TTLL2: variants seen among roughly 807,000 people sequenced by gnomAD.
The protein encoded by TTLL2 is probable tubulin polyglutamylase TTLL2.
In TTLL2, 10 loss-of-function variants were observed where a neutral mutation model predicts 7.5. The ratio of observed to expected loss-of-function variants is 1.33; its 90% CI spans 0.82 to 2.25. The LOEUF (loss-of-function observed/expected upper bound fraction) is 2.25. TTLL2 is among the 30% of genes most tolerant of loss of function. The pLI, the probability that TTLL2 is intolerant of heterozygous loss-of-function variation, is 0.00. For missense variants in TTLL2, 733 were observed against 735.7 expected, an observed-to-expected ratio of 1.00 and a Z score of 0.04; for synonymous variants, 284 against 280.3, an observed-to-expected ratio of 1.01 and a Z score of -0.13.
At chr6:167,335,364 C>G (rs1198695508) in intron 1 of TTLL2, among the ~76,000 whole-genome samples, 8 of 151,080 alleles carry the variant, frequency 5.3e-5, no homozygotes, top group Non-Finnish European at 1.2e-4. Flanking sequence ...CACTTTTACA[C>G]TGTTGGTGGG....
intron 1 of TTLL2, 92 bp downstream of exon 1, chr6:167,325,312 G>C (rs1778835590): frequency 7.7e-7 from 1 of 1,307,152 alleles, no homozygotes; most frequent in Non-Finnish European, 1.0e-6. Flanking sequence ...ACAGGGGCCA[G>C]GGTCACTAGG....
Position 167,327,987 on chromosome 6 carries a change from T to G in TTLL2, c.47+2767T>G, listed in dbSNP as rs1161643335. The G allele has an allele frequency of 5.5e-5, 25 of 456,124 alleles. 1 individual carries two copies. The highest frequency in any genetic ancestry group is 9.7e-5 in the Non-Finnish European group (22 of 226,966). 28.3% of individuals were successfully genotyped at this position (456,124 alleles called of 1,614,324 possible). On this transcript the variant is annotated intron_variant, in intron 1 of 2. Coordinates refer to ENST00000239587, the MANE Select transcript of TTLL2 (RefSeq NM_031949.5). The stretch of plus-strand genomic sequence containing the variant: ...GGCCCCTCTCCTTGACCCCAAAATA[T>G]TTTCTCCTCATTTCAGTTCGATGAC...
intron 1 of TTLL2, among the ~76,000 whole-genome samples, chr6:167,327,137 G>A (rs529859707): frequency 2.3e-4 from 35 of 152,298 alleles, no homozygotes; most frequent in African/African-American, 7.9e-4. Flanking sequence ...TAAGTGGGGC[G>A]GGTAGAGGAA....
At chr6:167,327,625 TAG>T (rs1158497216) in intron 1 of TTLL2, among the ~76,000 whole-genome samples, 1 of 152,154 alleles carries the variant, frequency 6.6e-6, no homozygotes, top group African/African-American at 2.4e-5. Flanking sequence ...AGATGGCATA[TAG>T]GTTTTTACAT....
In TTLL2 at chr6:167,342,099, A is replaced by T. The variant is rs568250971; in HGVS notation, c.*420A>T. On this transcript the variant is annotated 3_prime_UTR_variant, in exon 3 of 3. Transcript: ENST00000239587. Reference sequence around the variant, plus strand: ...GTGTTTTTTTTTAAATCAACCAGTTATTTGTTAAAATTATTTTGTTAACTT... The same window carrying T: ...GTGTTTTTTTTTAAATCAACCAGTTTTTTGTTAAAATTATTTTGTTAACTT... 6.6e-6 allele frequency among the ~76,000 whole-genome samples: 1 copy of T among 152,338 alleles called. No homozygotes were observed. The highest frequency in any genetic ancestry group is 1.5e-5 in the Non-Finnish European group (1 of 68,022).
In TTLL2 at chr6:167,325,217, T is replaced by C. The variant is rs766849833; in HGVS notation, c.44T>C (p.Leu15Pro). The C allele has an allele frequency of 1.3e-5, 21 of 1,571,638 alleles. No individual in the cohort carries two copies. The highest frequency in any genetic ancestry group is 1.3e-5 in the Non-Finnish European group (15 of 1,159,250). Residue 15 changes from leucine (L) to proline (P), a missense_variant, in exon 1 of 3, where the codon CTG (leucine) becomes CCG (proline). Leu to Pro is a moderately conservative substitution (Grantham distance 98). Transcript: ENST00000239587. ...DLCSSTQSQA[L>P]GSLRTTTPAF... ...TGTTCCTCCACACAAAGCCAGGCGC[T>C]GGGGTAAGCGTAGGAGGCGACACGT...
In TTLL2 at chr6:167,341,028, T is replaced by G; in HGVS notation, c.1128T>G (p.Ile376Met). 5.0e-6 allele frequency: 8 copies of G among 1,614,110 alleles called. No individual in the cohort carries two copies. The highest frequency in any genetic ancestry group is 6.8e-6 in the Non-Finnish European group (8 of 1,180,012). Residue 376 changes from isoleucine (I) to methionine (M), a missense_variant, in exon 3 of 3, where the codon ATT becomes ATG. Transcript: ENST00000239587. Reference sequence around the variant, plus strand: ...AGCTCTTTGGGTTTGATATTTTGATTGATGACAACTTGAAACCATGGCTTT... The same window carrying G: ...AGCTCTTTGGGTTTGATATTTTGATGGATGACAACTTGAAACCATGGCTTT... ...CFELFGFDIL[I>M]DDNLKPWLLE...
chr6:167,339,732 G>T (rs577526674), intron 2 of TTLL2, among the ~76,000 whole-genome samples: 12 of 152,104 alleles, frequency 7.9e-5, no homozygotes, highest in Non-Finnish European at 1.6e-4. Flanking sequence ...GTTGACATTC[G>T]TGTTTTGTTC....
In TTLL2 at chr6:167,325,157, C is replaced by G. The variant is rs1050293596; in HGVS notation, c.-17C>G. ...TGCACAGAGACCCACAGAGGCCACCCTCGGAACCAGCGCCCAATGAGAGGG... is the reference window on the plus strand; with the variant it reads ...TGCACAGAGACCCACAGAGGCCACCGTCGGAACCAGCGCCCAATGAGAGGG... On this transcript the variant is annotated 5_prime_UTR_variant, in exon 1 of 3. Transcript: ENST00000239587. 6.4e-7 allele frequency: 1 copy of G among 1,571,296 alleles called. No homozygotes were observed. The highest frequency in any genetic ancestry group is 8.6e-7 in the Non-Finnish European group (1 of 1,159,390).
Position 167,341,202 on chromosome 6 carries a change from T to C in TTLL2, c.1302T>C (p.Asn434=), listed in dbSNP as rs1227496176. Residue 434 remains asparagine (N), a synonymous_variant, in exon 3 of 3, where the codon AAT becomes AAC. Transcript: ENST00000239587. ...AAGCCAGTAATGCCACACATGGAAA[T>C]TCCAACATCGACGCTGCAAAAAGTG... ...GREASNATHG[N]SNIDAAKSDR... is the part of the protein sequence containing the mutation. The C allele has an allele frequency of 6.2e-7, 1 of 1,613,706 alleles. No homozygotes were observed.
In TTLL2 at chr6:167,341,516, C is replaced by T. The variant is rs746939170; in HGVS notation, c.1616C>T (p.Pro539Leu). Residue 539 changes from proline (P) to leucine (L), a missense_variant, in exon 3 of 3, where the codon CCG becomes CTG. Pro to Leu is a moderately conservative substitution (Grantham distance 98). Coordinates refer to ENST00000239587, the MANE Select transcript of TTLL2 (RefSeq NM_031949.5). ...CACTCCTGCAAGACCAAGACCTCCC[C>T]GTGTGTCCTGTCAGACCGTGGCAAA... ...QSHSCKTKTS[P>L]CVLSDRGKAP... 25 of 1,614,068 alleles carry T rather than the reference C, an allele frequency of 1.5e-5. No homozygotes were observed. The highest frequency in any genetic ancestry group is 4.5e-5 in the East Asian group (2 of 44,888).
intron 2 of TTLL2, among the ~76,000 whole-genome samples, chr6:167,339,785 T>C (rs1316428001): frequency 3.3e-5 from 5 of 152,216 alleles, no homozygotes. Context: ...GGGCCGCAGA[T>C]ATGGGTCTGC....
At position 167,328,233 on chromosome 6, in the gene TTLL2, C is replaced by T. The variant is rs558192443; in HGVS notation, c.47+3013C>T. ...TAAGGAGGCTGCCGTCCCTGGGAGC[C>T]GCTCTCTCCTACTGCATCCTGTTGT... is the stretch of plus-strand genomic sequence containing the variant. On this transcript the variant is annotated intron_variant, in intron 1 of 2. Transcript: ENST00000239587. 1.3e-3 allele frequency: 540 copies of T among 426,800 alleles called. 9 individuals carry two copies. The highest frequency in any genetic ancestry group is 8.5e-3 in the South Asian group (501 of 58,624). The allele number at this position is 426,800 out of a possible 1,614,324, so 26.4% of individuals were successfully genotyped here.
Position 167,340,728 on chromosome 6 carries a change from G to A in TTLL2, c.828G>A (p.Gly276=), listed in dbSNP as rs761113891. Residue 276 remains glycine (G), a synonymous_variant, in exon 3 of 3, where the codon GGG becomes GGA. Transcript: ENST00000239587. ...KPLTIYVYQE[G]LVRFATEKFD... ...TGACCATTTATGTTTATCAGGAAGG[G>A]TTGGTTCGGTTTGCCACGGAAAAGT... is the stretch of plus-strand genomic sequence containing the variant. 1.1e-5 allele frequency: 18 copies of A among 1,614,090 alleles called. No individual in the cohort carries two copies. The Admixed American group carries it at 1.2e-4, about 10-fold the overall frequency.
In TTLL2 at chr6:167,340,386, C is replaced by A. The variant is rs371348357; in HGVS notation, c.486C>A (p.His162Gln). ...KLTRKDCLAK[H>Q]LKHMRRMYGT... Reference sequence around the variant, plus strand: ...CCAGGAAAGACTGTTTGGCCAAACACCTGAAGCACATGAGGAGGATGTATG... The same window carrying A: ...CCAGGAAAGACTGTTTGGCCAAACAACTGAAGCACATGAGGAGGATGTATG... The change falls in exon 3 of 3, where the codon CAC becomes CAA. Residue 162 changes from histidine (H) to glutamine (Q), a missense_variant. Physicochemically the swap from His to Gln is conservative, Grantham distance 24. Coordinates refer to ENST00000239587, the MANE Select transcript of TTLL2 (RefSeq NM_031949.5). The A allele has an allele frequency of 1.4e-5, 22 of 1,614,060 alleles. No individual in the cohort carries two copies. The South Asian group carries it at 2.0e-4, about 14-fold the overall frequency.
chr6:167,328,207 C>T (rs1428771631), intron 1 of TTLL2: 3 of 445,454 alleles, frequency 6.7e-6, no homozygotes, highest in Non-Finnish European at 1.4e-5. Flanking sequence ...GAGCTGTCGG[C>T]TAAGGAGGCT....
intron 1 of TTLL2, among the ~76,000 whole-genome samples, chr6:167,326,004 C>A (rs541264577): frequency 6.6e-6 from 1 of 152,162 alleles, no homozygotes. Flanking sequence ...GCCTCCACAC[C>A]GCAGGCAGAG....
At position 167,341,673 on chromosome 6, in the gene TTLL2, T is replaced by G. The variant is rs375954400; in HGVS notation, c.1773T>G (p.His591Gln). The part of the protein sequence containing the change: ...QELQKLMNKQ[H>Q]S ...TCCAGAAACTAATGAATAAGCAACATTCCTAAGTGGTAAAAAATCAAATCA... is the reference window on the plus strand; with the variant it reads ...TCCAGAAACTAATGAATAAGCAACAGTCCTAAGTGGTAAAAAATCAAATCA... Residue 591 changes from histidine (H) to glutamine (Q), a missense_variant, in exon 3 of 3, where the codon CAT (histidine) becomes CAG (glutamine). Coordinates refer to ENST00000239587, the MANE Select transcript of TTLL2 (RefSeq NM_031949.5). 2 of 1,590,550 alleles carry G rather than the reference T, an allele frequency of 1.3e-6. No individual in the cohort carries two copies. The highest frequency in any genetic ancestry group is 1.8e-5 in the Admixed American group (1 of 54,088).
rs1322042625 is a variant in TTLL2, at chr6:167,341,559, A to C, written c.1659A>C (p.Ala553=). The stretch of plus-strand genomic sequence containing the variant: ...GTGGCAAAGCTCCAGATCCCCAAGC[A>C]GGCAACTTTGTTCTTGTTTTTCCTT... ...SDRGKAPDPQ[A]GNFVLVFPFN... is the part of the protein sequence containing the mutation. Residue 553 remains alanine, a synonymous_variant, in exon 3 of 3, where the codon GCA becomes GCC. Coordinates refer to ENST00000239587, the MANE Select transcript of TTLL2 (RefSeq NM_031949.5). The C allele has an allele frequency of 6.2e-7, 1 of 1,614,080 alleles. No individual in the cohort carries two copies. The highest frequency in any genetic ancestry group is 8.5e-7 in the Non-Finnish European group (1 of 1,180,054).
Sources: allele counts gnomAD v4.1 joint callset (sites outside exome capture counted in the v4.1 genomes callset), GRCh38; gene constraint gnomAD v4.1.1; transcripts MANE v1.5; gene names NCBI Gene and HGNC (gene_info 2026-07-23, HGNC 2026-07-21).